The following TYMS variants were observed in gnomAD, a reference collection of about 807,000 sequenced individuals.
TYMS encodes the protein thymidylate synthetase.
A neutral mutation model predicts 39.3 loss-of-function variants in TYMS; 21 were observed. The ratio of observed to expected loss-of-function variants is 0.54; its 90% CI spans 0.38 to 0.77. The LOEUF (loss-of-function observed/expected upper bound fraction) is 0.77. TYMS is among the 30% of genes least tolerant of loss of function. TYMS has a pLI of 0.00. For synonymous variants in TYMS, 171 were observed against 162.2 expected, an observed-to-expected ratio of 1.05 and a Z score of -0.41; for missense variants, 273 against 406.7, an observed-to-expected ratio of 0.67 and a Z score of 2.83.
chr18:667,011 TGATGGAGATGGA>T (rs1295681564), intron 3 of TYMS, among the ~76,000 whole-genome samples: 436 of 5,848 alleles, frequency 0.075, 112 homozygotes, highest in Non-Finnish European at 0.11. Context: ...ATGGTGATGG[TGATGGAGATGGA>T]GATGGTGATG....
At position 658,528 on chromosome 18, in the gene TYMS, G is replaced by A. The variant is rs941864060; in HGVS notation, c.205+581G>A. On this transcript the variant is annotated intron_variant, in intron 1 of 6. Transcript: ENST00000323274. This position sits in a 1 kb window ranked among gnomAD's most constrained non-coding sequence, Gnocchi z 4.5. ...TTAAACCTTGAAAAGAGAAATTCGG[G>A]AGTTCGAGTATAAGTTCTTAGTCGT... 6.8e-5 allele frequency: 21 copies of A among 309,922 alleles called. No individual in the cohort carries two copies. The highest frequency in any genetic ancestry group is 3.0e-4 in the Admixed American group (6 of 20,014). The allele number at this position is 309,922 out of a possible 1,614,324, so 19.2% of individuals were successfully genotyped here.
In TYMS at chr18:658,654, G is replaced by GGGC; in HGVS notation, c.205+707_205+708insGGC. 1 of 247,084 alleles carries GGGC rather than the reference G, an allele frequency of 4.0e-6. No individual in the cohort carries two copies. The highest frequency in any genetic ancestry group is 7.8e-6 in the Non-Finnish European group (1 of 127,672). The allele number at this position is 247,084 out of a possible 1,614,324, so 15.3% of individuals were successfully genotyped here. On this transcript the variant is annotated intron_variant, in intron 1 of 6. Coordinates refer to ENST00000323274, the MANE Select transcript of TYMS (RefSeq NM_001071.4). The surrounding 1 kb of genome is among the most constrained non-coding windows in gnomAD (Gnocchi z 4.5). ...GGGACAGTGGGGCGGGGCGGGGTGG[G>GGGC]CACAGGACGTTAGGCAGCCGTTGGC...
At chr18:659,798 A>G in intron 2 of TYMS, 84 bp downstream of exon 2, 12 of 1,251,122 alleles carry the variant, frequency 9.6e-6, no homozygotes, top group Non-Finnish European at 1.4e-5. Flanking sequence ...CAAAGCAGCC[A>G]GGTGTGGTGG....
At chr18:672,792 C>T (rs1059394) in intron 6 of TYMS, 68 bp from the exon 7 acceptor site, 502,212 of 1,475,262 alleles carry the variant, frequency 0.34, 91,444 homozygotes, top group East Asian at 0.67. Flanking sequence ...ACTTGTTTCA[C>T]GGACATGAGG....
At chr18:667,430 A>T (rs373913226) in intron 3 of TYMS, among the ~76,000 whole-genome samples, 27 of 1,688 alleles carry the variant, frequency 0.016, 3 homozygotes, top group Non-Finnish European at 0.021. Context: ...ATGGTGATGG[A>T]GATGGTGATG....
chr18:659,099 G>T (rs1197634931), intron 1 of TYMS, among the ~76,000 whole-genome samples: 2 of 152,164 alleles, frequency 1.3e-5, no homozygotes, highest in African/African-American at 2.4e-5. Context: ...TGTTAAAAAT[G>T]GAGAAAATAA....
chr18:667,617 GGGTGAT>G (rs1555639873), intron 3 of TYMS: 4 of 46,618 alleles, frequency 8.6e-5, no homozygotes, highest in Admixed American at 3.2e-4. Flanking sequence ...TGATGGAGAT[GGGTGAT>G]GGTGATGGTT....
At chr18:667,723 G>A (rs1160631404) in intron 3 of TYMS, 1 of 152,172 alleles carries the variant, frequency 6.6e-6, no homozygotes, top group African/African-American at 2.4e-5. Context: ...AATGAAAAAA[G>A]CTGCTGCGTG....
rs1432304752 is a variant in TYMS at position 657,796 on chromosome 18, G to T, written c.54G>T (p.Gln18His). The change falls in exon 1 of 7, where the codon CAG (glutamine) becomes CAT (histidine). Residue 18 changes from glutamine (Q) to histidine (H), a missense_variant. This residue lies in a region of TYMS where 228 missense variants were observed against 326.1 expected (regional missense o/e 0.70). Transcript: ENST00000323274. ...GCCGGCCCTTGCCCCCCGCCGCACA[G>T]GAGCGGGACGCCGAGCCGCGTCCGC... ...LPRRPLPPAA[Q>H]ERDAEPRPPH... 2 of 1,462,684 alleles carry T rather than the reference G, an allele frequency of 1.4e-6. No individual in the cohort carries two copies. Among genetic ancestry groups the T allele is most frequent in the Non-Finnish European group, 9.0e-7 (1 of 1,113,842 alleles). 90.6% of individuals were successfully genotyped at this position (1,462,684 alleles called of 1,614,324 possible).
At chr18:671,993 T>A (rs1384355796) in intron 6 of TYMS, 2 of 153,066 alleles carry the variant, frequency 1.3e-5, no homozygotes, top group Non-Finnish European at 2.9e-5. Flanking sequence ...TTGGCCAGGC[T>A]AGTCTCAAAC....
chr18:659,618 C>T (rs754603095), intron 1 of TYMS, 23 bp from the exon 2 acceptor site: 14 of 1,607,946 alleles, frequency 8.7e-6, no homozygotes, highest in Non-Finnish European at 1.1e-5. Flanking sequence ...CATCTTGAAA[C>T]CGTATGGCAA....
Position 658,230 on chromosome 18 carries a change from C to T in TYMS, c.205+283C>T, listed in dbSNP as rs2074713559. ...GCAGTCGCCCCAGTGATGCCGTGGC[C>T]CCCGAGGCGGGCGTCATCGGGCAGC... On this transcript the variant is annotated intron_variant, in intron 1 of 6. Transcript: ENST00000323274. The surrounding 1 kb of genome is among the most constrained non-coding windows in gnomAD (Gnocchi z 4.5). 6.6e-7 allele frequency: 1 copy of T among 1,506,022 alleles called. No homozygotes were observed. The highest frequency in any genetic ancestry group is 8.9e-7 in the Non-Finnish European group (1 of 1,117,708). The allele number at this position is 1,506,022 out of a possible 1,614,324, so 93.3% of individuals were successfully genotyped here. A position where few individuals can be genotyped will look rare whatever the true frequency, so the allele number is the denominator to read the frequency against.
chr18:669,108 T>C lies in TYMS; in HGVS notation c.491T>C (p.Val164Ala), dbSNP rs747127849. 1.9e-6 allele frequency: 3 copies of C among 1,614,062 alleles called. No individual in the cohort carries two copies. Among genetic ancestry groups the C allele is most frequent in the Admixed American group, 3.3e-5 (2 of 60,014 alleles). Reference sequence around the variant, plus strand: ...CAGGGAGTTGACCAACTGCAAAGAGTGATTGACACCATCAAAACCAACCCT... The same window carrying C: ...CAGGGAGTTGACCAACTGCAAAGAGCGATTGACACCATCAAAACCAACCCT... ...SGQGVDQLQRVIDTIKTNPDD... is the reference protein window; with the variant it reads ...SGQGVDQLQRAIDTIKTNPDD... Residue 164 changes from valine (V) to alanine (A), a missense_variant, in exon 4 of 7, where the codon GTG becomes GCG. Transcript: ENST00000323274.
Position 670,795 on chromosome 18 carries a change from C to A in TYMS, c.660C>A (p.Gly220=). The A allele has an allele frequency of 6.2e-7, 1 of 1,614,100 alleles. No individual in the cohort carries two copies. Among genetic ancestry groups the A allele is most frequent in the Non-Finnish European group, 8.5e-7 (1 of 1,180,040 alleles). The change falls in exon 5 of 7, where the codon GGC becomes GGA. Residue 220 remains glycine, a synonymous_variant. Transcript: ENST00000323274. ...TGTACCAGAGATCGGGAGACATGGG[C>A]CTCGGTGTGCCTTTCAACATCGCCA... The part of the protein sequence containing the change: ...CQLYQRSGDM[G]LGVPFNIASY...
Position 667,221 on chromosome 18 carries a change from TGATGGTGATGGAGATGGA to T in TYMS, c.455-1839_455-1822del, listed in dbSNP as rs1567990194. Reference sequence around the variant, plus strand: ...GTGATGGTGATGGTGATGGAGATGGTGATGGTGATGGAGATGGAGATGGTGATGGTGATGGTGATGGAG... The same window carrying T: ...GTGATGGTGATGGTGATGGAGATGGTGATGGTGATGGTGATGGTGATGGAG... On this transcript the variant is annotated intron_variant, in intron 3 of 6. Coordinates refer to ENST00000323274, the MANE Select transcript of TYMS (RefSeq NM_001071.4). Among the ~76,000 whole-genome samples the T allele has an allele frequency of 5.9e-4, 22 of 37,050 alleles. 1 individual carries two copies. The highest frequency in any genetic ancestry group is 5.9e-3 in the East Asian group (2 of 340). The allele number at this position is 37,050 out of a possible 152,430, so 24.3% of individuals were successfully genotyped here. A position where few individuals can be genotyped will look rare whatever the true frequency, so the allele number is the denominator to read the frequency against.
intron 5 of TYMS, 68 bp from the exon 6 acceptor site, chr18:671,312 T>C (rs1488129769): frequency 7.7e-6 from 8 of 1,038,064 alleles, no homozygotes; most frequent in Non-Finnish European, 1.2e-5. Flanking sequence ...CATATTCTAA[T>C]GTTTTTAAAT....
intron 3 of TYMS, chr18:667,573 A>ATGG: frequency 1.3e-5 from 1 of 79,924 alleles, no homozygotes; most frequent in Non-Finnish European, 2.3e-5. Context: ...GGTGATGGAG[A>ATGG]TGGTGATGGT....
intron 2 of TYMS, among the ~76,000 whole-genome samples, chr18:661,598 G>T (rs2074756109): frequency 6.6e-6 from 1 of 152,208 alleles, no homozygotes; most frequent in Non-Finnish European, 1.5e-5. Flanking sequence ...TAGTTGAGGG[G>T]AATGGAAGAA....
At chr18:669,220 A>G (rs746372732) in intron 4 of TYMS, 47 bp downstream of exon 4, 1 of 1,551,942 alleles carries the variant, frequency 6.4e-7, no homozygotes, top group Non-Finnish European at 8.9e-7. Context: ...ATACTCTTAG[A>G]GGGAAGCAAT....
Sources: allele counts gnomAD v4.1 joint callset (sites outside exome capture counted in the v4.1 genomes callset), GRCh38; gene constraint gnomAD v4.1.1; regional missense constraint gnomAD v4.1.1; non-coding constraint Gnocchi (gnomAD v3.1); transcripts MANE v1.5; gene names NCBI Gene and HGNC (gene_info 2026-07-23, HGNC 2026-07-21).